PIEZO2: variants seen among roughly 807,000 people sequenced by gnomAD.
The protein encoded by PIEZO2 is piezo-type mechanosensitive ion channel component 2.
A neutral mutation model predicts 337.3 loss-of-function variants in PIEZO2; 172 were observed. The observed-to-expected ratio is 0.51, with a 90% CI of 0.45 to 0.58. PIEZO2 has a LOEUF of 0.58. PIEZO2 is among the 20% of genes least tolerant of loss of function. The probability of loss-of-function intolerance (pLI) is 0.00; values close to 1 mark genes in which losing one functional copy is unlikely to be tolerated. For missense variants in PIEZO2, 3,028 were observed against 3,391.3 expected (o/e 0.89, Z 2.66); for synonymous variants, 1,251 against 1,228.5 (o/e 1.02, Z -0.38).
At position 10,700,067 on chromosome 18, in the gene PIEZO2, TATAAACATAACAAAC is replaced by T. The variant is rs545864991; in HGVS notation, c.6442-905_6442-891del. Among the ~76,000 whole-genome samples the T allele has an allele frequency of 2.3e-3, 353 of 152,306 alleles. 1 individual carries two copies. The highest frequency in any genetic ancestry group is 8.1e-3 in the African/African-American group (338 of 41,528). Reference sequence around the variant, plus strand: ...TAAACATATTCAATGAATGTATTCTTATAAACATAACAAACATTTTAGCTTTTCGTAATGGGATTT... The same window carrying T: ...TAAACATATTCAATGAATGTATTCTTATTTTAGCTTTTCGTAATGGGATTT... On this transcript the variant is annotated intron_variant, in intron 43 of 55. Transcript: ENST00000674853.
chr18:10,832,517 G>A (rs1165931443), intron 7 of PIEZO2, among the ~76,000 whole-genome samples: 7 of 152,204 alleles, frequency 4.6e-5, no homozygotes, highest in East Asian at 1.9e-4. Context: ...TGCCTACAGC[G>A]CCTAGTAAGT....
intron 3 of PIEZO2, among the ~76,000 whole-genome samples, chr18:10,914,112 G>C (rs1355608198): frequency 6.6e-6 from 1 of 152,130 alleles, no homozygotes; most frequent in Non-Finnish European, 1.5e-5. Flanking sequence ...TTCTTTTAAA[G>C]CCATTAACCA....
chr18:10,731,350 G>A (rs1180901859), intron 36 of PIEZO2, 57 bp downstream of exon 36: 11 of 1,208,606 alleles, frequency 9.1e-6, no homozygotes, highest in Non-Finnish European at 1.3e-5. Flanking sequence ...AGACAAGGCT[G>A]GGGAGCACAG....
chr18:10,816,557 C>T (rs1359912672), intron 7 of PIEZO2, among the ~76,000 whole-genome samples: 2 of 152,040 alleles, frequency 1.3e-5, no homozygotes, highest in Non-Finnish European at 2.9e-5. Context: ...AACAAAAGTT[C>T]ATCAGAAAAT....
At chr18:10,763,439 C>G (rs900734204) in intron 21 of PIEZO2, among the ~76,000 whole-genome samples, 2 of 151,646 alleles carry the variant, frequency 1.3e-5, no homozygotes, top group African/African-American at 2.4e-5. Flanking sequence ...CAAGAAGAGA[C>G]AGTGCCTGAA....
Position 10,877,745 on chromosome 18 carries a change from T to C in PIEZO2, c.330-6330A>G, listed in dbSNP as rs1339597060. 1.3e-5 allele frequency among the ~76,000 whole-genome samples: 2 copies of C among 152,152 alleles called. No homozygotes were observed. Among genetic ancestry groups the C allele is most frequent in the Non-Finnish European group, 2.9e-5 (2 of 68,032 alleles). On this transcript the variant is annotated intron_variant, in intron 4 of 55. Coordinates refer to ENST00000674853, the MANE Select transcript of PIEZO2 (RefSeq NM_001378183.1). This position sits in a 1 kb window ranked among gnomAD's most constrained non-coding sequence, Gnocchi z 5.3. Reference sequence around the variant, plus strand: ...TGCCAGCCAGGCCTCCACATTAATATCAGAGTTTAGTTTTTAGCAGCATAA... The same window carrying C: ...TGCCAGCCAGGCCTCCACATTAATACCAGAGTTTAGTTTTTAGCAGCATAA...
rs932567691 is a variant in PIEZO2, at chr18:11,104,690, G to A, written c.65-38468C>T. ...CAACAAAGAGGTCTGTGGCCCGGCT[G>A]AGCCAAGATGCCATGAACATGCAGG... On this transcript the variant is annotated intron_variant, in intron 1 of 55. Transcript: ENST00000674853. This position sits in a 1 kb window ranked among gnomAD's most constrained non-coding sequence, Gnocchi z 4.6. Among the ~76,000 whole-genome samples, 1 of 152,228 alleles carries A rather than the reference G, an allele frequency of 6.6e-6. No individual in the cohort carries two copies. The highest frequency in any genetic ancestry group is 1.5e-5 in the Non-Finnish European group (1 of 68,044).
At chr18:10,823,132 T>A (rs539962707) in intron 7 of PIEZO2, among the ~76,000 whole-genome samples, 1 of 152,230 alleles carries the variant, frequency 6.6e-6, no homozygotes, top group Admixed American at 6.5e-5. Flanking sequence ...TAGGTAGAAG[T>A]AGAGAGCTTG....
chr18:10,971,087 C>A (rs1292335674), intron 3 of PIEZO2, among the ~76,000 whole-genome samples: 1 of 152,150 alleles, frequency 6.6e-6, no homozygotes, highest in Non-Finnish European at 1.5e-5. Flanking sequence ...GACACTGATG[C>A]TATCTCACCA....
chr18:10,824,434 T>C lies in PIEZO2; in HGVS notation c.918-17160A>G, dbSNP rs555738865. Among the ~76,000 whole-genome samples the C allele has an allele frequency of 6.6e-6, 1 of 152,242 alleles. No individual in the cohort carries two copies. Among genetic ancestry groups the C allele is most frequent in the Admixed American group, 6.5e-5 (1 of 15,280 alleles). ...ACAAGTTATTGCATATATGCTTTCA[T>C]GTTTATTTAAGGATATTTGTTGGCT... On this transcript the variant is annotated intron_variant, in intron 7 of 55. Transcript: ENST00000674853. This position sits in a 1 kb window ranked among gnomAD's most constrained non-coding sequence, Gnocchi z 4.4.
intron 4 of PIEZO2, among the ~76,000 whole-genome samples, chr18:10,879,908 A>G (rs1156535178): frequency 6.6e-6 from 1 of 152,214 alleles, no homozygotes; most frequent in African/African-American, 2.4e-5. Flanking sequence ...TGTGAATATG[A>G]GTGTATATCA....
rs1049512207 is a variant in PIEZO2 at position 10,819,476 on chromosome 18, A to G, written c.918-12202T>C. Among the ~76,000 whole-genome samples, 12 of 152,228 alleles carry G rather than the reference A, an allele frequency of 7.9e-5. No individual in the cohort carries two copies. Among genetic ancestry groups the G allele is most frequent in the African/African-American group, 2.9e-4 (12 of 41,462 alleles). On this transcript the variant is annotated intron_variant, in intron 7 of 55. Coordinates refer to ENST00000674853, the MANE Select transcript of PIEZO2 (RefSeq NM_001378183.1). The surrounding 1 kb of genome is among the most constrained non-coding windows in gnomAD (Gnocchi z 4.3). The stretch of plus-strand genomic sequence containing the variant: ...ACCAATGTATTCCAAAGACTCAGCT[A>G]TGAAGGATGTGAAACTGCCTGTTTC...
In PIEZO2 at chr18:10,672,384, G is replaced by T. The variant is rs528359859; in HGVS notation, c.8345+306C>A. ...TAAGGATTAGAAGGAAATCTAAGCA[G>T]AAAAGTGATATTTCTGTGCTAATTT... On this transcript the variant is annotated intron_variant, in intron 55 of 55. Coordinates refer to ENST00000674853, the MANE Select transcript of PIEZO2 (RefSeq NM_001378183.1). The surrounding 1 kb of genome is among the most constrained non-coding windows in gnomAD (Gnocchi z 4.7). 2.6e-5 allele frequency among the ~76,000 whole-genome samples: 4 copies of T among 152,154 alleles called. No individual in the cohort carries two copies. Among genetic ancestry groups the T allele is most frequent in the African/African-American group, 9.7e-5 (4 of 41,426 alleles).
rs2033316129 is a variant in PIEZO2, at chr18:10,952,008, T to C, written c.286+27527A>G. Among the ~76,000 whole-genome samples the C allele has an allele frequency of 6.6e-6, 1 of 152,212 alleles. No individual in the cohort carries two copies. Among genetic ancestry groups the C allele is most frequent in the Non-Finnish European group, 1.5e-5 (1 of 68,036 alleles). On this transcript the variant is annotated intron_variant, in intron 3 of 55. Transcript: ENST00000674853. The surrounding 1 kb of genome is among the most constrained non-coding windows in gnomAD (Gnocchi z 4.1). ...TATAGGGCTTCTTATATTGTGAAAC[T>C]GTCTCTGAAACATTATCTGATTTGG...
At chr18:11,081,759 C>CG (rs2038748524) in intron 1 of PIEZO2, among the ~76,000 whole-genome samples, 2 of 137,476 alleles carry the variant, frequency 1.5e-5, no homozygotes, top group African/African-American at 5.3e-5. Flanking sequence ...CTCAACTCAA[C>CG]TTTTTTTTTT....
At chr18:11,055,198 G>A (rs1441491000) in intron 2 of PIEZO2, among the ~76,000 whole-genome samples, 7 of 116,290 alleles carry the variant, frequency 6.0e-5, no homozygotes, top group Admixed American at 2.3e-4. Context: ...GCGAAAGAGT[G>A]AGACTCTGTC....
chr18:10,859,717 T>C lies in PIEZO2; in HGVS notation c.493-2506A>G, dbSNP rs953341743. ...TTTAGAGTAAAAATGCTTCCCTACC[T>C]AATTTCTCTTGAACCTACTCAAATC... On this transcript the variant is annotated intron_variant, in intron 5 of 55. Coordinates refer to ENST00000674853, the MANE Select transcript of PIEZO2 (RefSeq NM_001378183.1). This position sits in a 1 kb window ranked among gnomAD's most constrained non-coding sequence, Gnocchi z 4.9. 2.2e-4 allele frequency among the ~76,000 whole-genome samples: 33 copies of C among 152,232 alleles called. No individual in the cohort carries two copies. The highest frequency in any genetic ancestry group is 1.1e-3 in the Admixed American group (17 of 15,290).
intron 3 of PIEZO2, among the ~76,000 whole-genome samples, chr18:10,923,689 T>A (rs1273539131): frequency 6.6e-6 from 1 of 152,256 alleles, no homozygotes; most frequent in Non-Finnish European, 1.5e-5. Flanking sequence ...TGCTATTGCA[T>A]ATACTTTGAG....
chr18:10,763,755 G>A (rs1209726440), intron 21 of PIEZO2, among the ~76,000 whole-genome samples: 1 of 152,214 alleles, frequency 6.6e-6, no homozygotes, highest in Non-Finnish European at 1.5e-5. Flanking sequence ...AAATGTAACT[G>A]ATGAATGGAG....
Sources: allele counts gnomAD v4.1 joint callset (sites outside exome capture counted in the v4.1 genomes callset), GRCh38; gene constraint gnomAD v4.1.1; non-coding constraint Gnocchi (gnomAD v3.1); transcripts MANE v1.5; gene names NCBI Gene and HGNC (gene_info 2026-07-23, HGNC 2026-07-21).